The following IGF2R variants were observed in gnomAD, a reference collection of about 807,000 sequenced individuals.
IGF2R encodes the protein insulin like growth factor 2 receptor.
IGF2R carries 91 observed loss-of-function variants against 270.6 expected under a neutral mutation model. That is an observed-to-expected ratio of 0.34 (90% CI 0.28 to 0.40). IGF2R has a LOEUF of 0.40. Among genes scored for constraint, IGF2R ranks in the 10% least tolerant of loss-of-function variants. The pLI is 1.00. For missense variants in IGF2R, 2,805 were observed against 3,188.3 expected, an observed-to-expected ratio of 0.88 and a Z score of 2.90; for synonymous variants, 1,316 against 1,258.9, an observed-to-expected ratio of 1.05 and a Z score of -0.96.
At chr6:159,969,519 C>A (rs1487648573) in intron 1 of IGF2R, 124 bp downstream of exon 1, 6 of 740,050 alleles carry the variant, frequency 8.1e-6, no homozygotes, top group Non-Finnish European at 1.1e-5. Flanking sequence ...GCGCCGGGGT[C>A]CGCCCCGTTC....
At chr6:159,974,613 C>G (rs1049528172) in intron 1 of IGF2R, among the ~76,000 whole-genome samples, 4 of 152,058 alleles carry the variant, frequency 2.6e-5, no homozygotes, top group South Asian at 2.1e-4. Flanking sequence ...GACATTTGAC[C>G]TGGGTAATTT....
rs143408059 is a variant in IGF2R at position 160,060,552 on chromosome 6, G to A, written c.3097G>A (p.Ala1033Thr). ...YKGPLSAKGT[A>T]DAFIVRFVCN... ...TGGGCCTTCTTGCTTTACAGGTACC[G>A]CTGATGCTTTTATCGTCCGCTTTGT... is the stretch of plus-strand genomic sequence containing the variant. Residue 1033 changes from alanine to threonine, a missense_variant, in exon 23 of 48, where the codon GCT (alanine) becomes ACT (threonine). By Grantham distance (58) the Ala-to-Thr change is moderately conservative. Transcript: ENST00000356956. 8.1e-6 allele frequency: 13 copies of A among 1,614,088 alleles called. No homozygotes were observed. In the East Asian group the frequency reaches 1.1e-4, roughly 14 times the overall value.
intron 35 of IGF2R, 91 bp from the exon 36 acceptor site, chr6:160,075,756 G>C (rs1778842755): frequency 1.5e-6 from 2 of 1,358,456 alleles, no homozygotes; most frequent in Non-Finnish European, 2.1e-6. Context: ...TATGAGGTCT[G>C]GTTTTTGCAA....
At chr6:160,093,724 A>G (rs1779283273) in intron 44 of IGF2R, 35 of 758,350 alleles carry the variant, frequency 4.6e-5, no homozygotes, top group South Asian at 2.6e-4. Flanking sequence ...ATGGACCTGA[A>G]CCACTCAACA....
chr6:160,089,189 G>T lies in IGF2R; in HGVS notation c.6403G>T (p.Val2135Leu), dbSNP rs757639060. The T allele has an allele frequency of 1.9e-6, 3 of 1,613,992 alleles. No individual in the cohort carries two copies. Among genetic ancestry groups the T allele is most frequent in the Non-Finnish European group, 2.5e-6 (3 of 1,179,870 alleles). ...CGTGAAGCCTCAGGAGGTGCAGATGGTGAATGGGACCATCACCAACCCTAT... is the reference window on the plus strand; with the variant it reads ...CGTGAAGCCTCAGGAGGTGCAGATGTTGAATGGGACCATCACCAACCCTAT... ...CAVKPQEVQMVNGTITNPING... is the reference protein window; with the variant it reads ...CAVKPQEVQMLNGTITNPING... The change falls in exon 43 of 48, where the codon GTG (valine) becomes TTG (leucine). Residue 2135 changes from valine to leucine, a missense_variant. Physicochemically the swap from Val to Leu is conservative, Grantham distance 32 (BLOSUM62 1). Around this residue, in one of 2 missense-constraint regions of IGF2R, gnomAD observed 1,851 missense variants for 2,207.2 expected, o/e 0.84. Coordinates refer to ENST00000356956, the MANE Select transcript of IGF2R (RefSeq NM_000876.4).
In IGF2R at chr6:160,078,350, G is replaced by A. The variant is rs767248101; in HGVS notation, c.5466G>A (p.Thr1822=). 13 of 1,613,950 alleles carry A rather than the reference G, an allele frequency of 8.1e-6. No homozygotes were observed. In the African/African-American group the frequency reaches 1.7e-4, roughly 22 times the overall value. ...LYSFNLSSLS[T]STFKVTRDSR... ...GCTTCAACTTGTCCAGCCTTTCCAC[G>A]AGCACCTTTAAGGTAATGCGTTCAC... is the stretch of plus-strand genomic sequence containing the variant. The change falls in exon 37 of 48, where the codon ACG becomes ACA. Residue 1822 remains threonine, a synonymous_variant. Transcript: ENST00000356956.
chr6:160,025,668 C>T (rs1208971047), intron 5 of IGF2R, among the ~76,000 whole-genome samples: 1 of 152,028 alleles, frequency 6.6e-6, no homozygotes, highest in Non-Finnish European at 1.5e-5. Flanking sequence ...CCAATGATAA[C>T]TAGGTTTTTT....
intron 4 of IGF2R, among the ~76,000 whole-genome samples, chr6:160,013,564 G>A (rs1430106496): frequency 6.6e-6 from 1 of 151,980 alleles, no homozygotes; most frequent in Non-Finnish European, 1.5e-5. Flanking sequence ...TTTGTACTTT[G>A]TACTCTCTTA....
intron 1 of IGF2R, among the ~76,000 whole-genome samples, chr6:159,987,613 A>T (rs1267117307): frequency 6.6e-6 from 1 of 152,048 alleles, no homozygotes; most frequent in Non-Finnish European, 1.5e-5. Context: ...GCTGATCTTG[A>T]TCTCCTGACC....
chr6:160,081,423 A>G (rs540585533), intron 39 of IGF2R, among the ~76,000 whole-genome samples: 1 of 152,310 alleles, frequency 6.6e-6, no homozygotes, highest in East Asian at 1.9e-4. Context: ...TGCTTCAAGG[A>G]TGACAAGAGG....
At chr6:160,068,219 C>A (rs761006707) in intron 29 of IGF2R, 30 bp from the exon 30 acceptor site, 49 of 1,613,138 alleles carry the variant, frequency 3.0e-5, no homozygotes, top group Middle Eastern at 1.6e-4. Context: ...ACGACCAAGC[C>A]TAACTAACTG....
rs780405127 is a variant in IGF2R at position 160,075,967 on chromosome 6, G to T, written c.5287G>T (p.Ala1763Ser). Residue 1763 changes from alanine (A) to serine (S), a missense_variant, in exon 36 of 48, where the codon GCG (alanine) becomes TCG (serine). Ala to Ser is a moderately conservative substitution (Grantham distance 99). Around this residue, in one of 2 missense-constraint regions of IGF2R, gnomAD observed 1,851 missense variants for 2,207.2 expected, o/e 0.84. Coordinates refer to ENST00000356956, the MANE Select transcript of IGF2R (RefSeq NM_000876.4). ...GCATTTCAACTACACCTCGCTCATC[G>T]CGTTTCACTGTAAGAGAGGTGTGAG... ...DKHFNYTSLI[A>S]FHCKRGVSMG... 1 of 1,614,182 alleles carries T rather than the reference G, an allele frequency of 6.2e-7. No individual in the cohort carries two copies. Among genetic ancestry groups the T allele is most frequent in the South Asian group, 1.1e-5 (1 of 91,086 alleles).
At chr6:160,051,280 C>A (rs1202512255) in intron 19 of IGF2R, among the ~76,000 whole-genome samples, 1 of 152,178 alleles carries the variant, frequency 6.6e-6, no homozygotes, top group African/African-American at 2.4e-5. Flanking sequence ...GCAAATGATT[C>A]TCTTTGGAGC....
chr6:160,079,808 A>G (rs1206093692), intron 38 of IGF2R, 21 bp downstream of exon 38: 4 of 1,449,136 alleles, frequency 2.8e-6, no homozygotes, highest in Admixed American at 2.6e-5. Context: ...GCAATGAGGT[A>G]AATAAACTTC....
At chr6:160,095,289 C>T (rs1180089135) in intron 44 of IGF2R, 5 of 152,602 alleles carry the variant, frequency 3.3e-5, no homozygotes, top group Non-Finnish European at 4.4e-5. Flanking sequence ...GGCTGCGCAC[C>T]CTGTGAAGCC....
chr6:160,062,419 G>A (rs374227005), intron 25 of IGF2R, 113 bp from the exon 26 acceptor site: 27 of 756,534 alleles, frequency 3.6e-5, no homozygotes, highest in Admixed American at 2.4e-4. Context: ...TGATCCACCC[G>A]TCTCGGCCTC....
At chr6:159,973,004 G>C (rs571488935) in intron 1 of IGF2R, among the ~76,000 whole-genome samples, 1 of 152,224 alleles carries the variant, frequency 6.6e-6, no homozygotes, top group Non-Finnish European at 1.5e-5. Context: ...TTCTTGGGAG[G>C]TGATATTGCT....
chr6:160,055,663 C>G (rs943281763), intron 19 of IGF2R, among the ~76,000 whole-genome samples: 2 of 152,120 alleles, frequency 1.3e-5, no homozygotes, highest in Non-Finnish European at 2.9e-5. Context: ...TTCCTGAACC[C>G]GTGACCCTGG....
chr6:160,024,747 T>C, intron 5 of IGF2R, 43 bp downstream of exon 5: 1 of 1,600,156 alleles, frequency 6.2e-7, no homozygotes, highest in Middle Eastern at 1.7e-4. Context: ...GTGAGGGATT[T>C]CTTCTATGGC....
Sources: gnomAD v4.1 joint callset for allele counts (sites outside exome capture counted in the v4.1 genomes callset) on GRCh38, gnomAD v4.1.1 for gene constraint, gnomAD v4.1.1 regional missense constraint, MANE v1.5 for transcripts, NCBI Gene and HGNC (gene_info 2026-07-23, HGNC 2026-07-21) for gene names.